Variants in IMMP2L observed in about 807,000 individuals in gnomAD.
The protein encoded by IMMP2L is mitochondrial inner membrane protease subunit 2.
A neutral mutation model predicts 19.3 loss-of-function variants in IMMP2L; 18 were observed. That is an observed-to-expected ratio of 0.93 (90% CI 0.64 to 1.38). The LOEUF (loss-of-function observed/expected upper bound fraction) is 1.38, where lower values mean the gene tolerates loss of function less well. Ranked by LOEUF, IMMP2L falls within the 40% of genes most tolerant of loss-of-function variation. The probability of loss-of-function intolerance (pLI) is 0.00; values close to 1 mark genes in which losing one functional copy is unlikely to be tolerated. For missense variants in IMMP2L, 233 were observed against 218.2 expected, an observed-to-expected ratio of 1.07 and a Z score of -0.43; for synonymous variants, 76 against 73.0, an observed-to-expected ratio of 1.04 and a Z score of -0.21.
intron 3 of IMMP2L, among the ~76,000 whole-genome samples, chr7:111,088,354 T>C (rs1186181769): frequency 1.3e-5 from 2 of 152,158 alleles, no homozygotes; most frequent in Non-Finnish European, 2.9e-5. Flanking sequence ...CCTGTAGACA[T>C]TTCCTACAAT....
At chr7:111,512,812 A>ATCAATTT (rs1845569049) in intron 2 of IMMP2L, among the ~76,000 whole-genome samples, 1 of 152,140 alleles carries the variant, frequency 6.6e-6, no homozygotes, top group Non-Finnish European at 1.5e-5. Flanking sequence ...TTTATGAAAA[A>ATCAATTT]TCAATTTTCA....
intron 4 of IMMP2L, among the ~76,000 whole-genome samples, chr7:110,956,883 C>T (rs894228989): frequency 6.6e-6 from 1 of 151,986 alleles, no homozygotes; most frequent in Non-Finnish European, 1.5e-5. Context: ...GGTTGCCTCA[C>T]ATTGACTTGC....
intron 4 of IMMP2L, among the ~76,000 whole-genome samples, chr7:110,919,437 T>A (rs181201261): frequency 2.0e-5 from 3 of 152,212 alleles, no homozygotes; most frequent in Admixed American, 1.3e-4. Context: ...TTATACTGAG[T>A]CTATGCCAAC....
intron 3 of IMMP2L, among the ~76,000 whole-genome samples, chr7:110,987,073 A>T (rs1036957052): frequency 2.0e-5 from 3 of 152,172 alleles, no homozygotes; most frequent in African/African-American, 7.2e-5. Flanking sequence ...GATAGACAGG[A>T]TAAACTTAGA....
At chr7:111,252,539 G>A (rs553532911) in intron 3 of IMMP2L, among the ~76,000 whole-genome samples, 1 of 152,246 alleles carries the variant, frequency 6.6e-6, no homozygotes, top group South Asian at 2.1e-4. Context: ...AAAAGGAAAT[G>A]TGACAAGGAA....
intron 1 of IMMP2L, among the ~76,000 whole-genome samples, chr7:111,539,657 C>G (rs1018820561): frequency 6.0e-5 from 9 of 150,426 alleles, no homozygotes; most frequent in African/African-American, 2.0e-4. Flanking sequence ...TAATGGAATT[C>G]CAACCAAGAT....
chr7:111,521,261 T>C lies in IMMP2L; in HGVS notation c.135+52A>G. 2.6e-6 allele frequency: 4 copies of C among 1,557,578 alleles called. No homozygotes were observed. In the East Asian group the frequency reaches 6.8e-5, roughly 26 times the overall value. ...TAATTAGCACTCTCATTTCTAGTGC[T>C]TGAAAAACAATGAAGTATGTGCTTT... On this transcript the variant is annotated intron_variant, in intron 2 of 5. Transcript: ENST00000405709.
intron 3 of IMMP2L, among the ~76,000 whole-genome samples, chr7:111,204,604 TA>T (rs1356366452): frequency 6.6e-5 from 10 of 152,154 alleles, no homozygotes. Flanking sequence ...TGAATAAAAA[TA>T]AATTTTTAAA....
intron 3 of IMMP2L, among the ~76,000 whole-genome samples, chr7:111,071,500 G>A (rs1275922981): frequency 2.0e-5 from 3 of 152,012 alleles, no homozygotes; most frequent in Non-Finnish European, 4.4e-5. Flanking sequence ...AATATCTGTC[G>A]ATGGATAAAT....
intron 3 of IMMP2L, chr7:111,390,494 T>C (rs1832239818): frequency 6.6e-6 from 1 of 152,148 alleles, no homozygotes; most frequent in Non-Finnish European, 1.5e-5. Context: ...GTCTTGTGAG[T>C]AGGTAACTTT....
chr7:111,125,223 A>G (rs1326174487), intron 3 of IMMP2L: 1 of 233,952 alleles, frequency 4.3e-6, no homozygotes, highest in East Asian at 1.2e-4. Flanking sequence ...AGTAAATAAG[A>G]GTAGTTGAAC....
chr7:111,011,632 G>T (rs1158863851), intron 3 of IMMP2L, among the ~76,000 whole-genome samples: 3 of 152,142 alleles, frequency 2.0e-5, no homozygotes, highest in African/African-American at 7.2e-5. Flanking sequence ...GTGAGAGTTT[G>T]CAGCTTTGCT....
At chr7:111,241,023 T>C (rs1262935804) in intron 3 of IMMP2L, among the ~76,000 whole-genome samples, 2 of 151,910 alleles carry the variant, frequency 1.3e-5, no homozygotes, top group Non-Finnish European at 2.9e-5. Context: ...ATGTAAATGC[T>C]ACACTGTCAT....
At chr7:111,436,706 T>A (rs920445749) in intron 3 of IMMP2L, among the ~76,000 whole-genome samples, 1 of 151,950 alleles carries the variant, frequency 6.6e-6, no homozygotes, top group Non-Finnish European at 1.5e-5. Context: ...AAAACTGCAC[T>A]GTGTTAATCT....
intron 3 of IMMP2L, among the ~76,000 whole-genome samples, chr7:111,003,170 G>A (rs10280198): frequency 0.035 from 5,329 of 152,154 alleles, 284 homozygotes; most frequent in African/African-American, 0.12. Flanking sequence ...ACTTGGTTGT[G>A]TTCTGGCTCT....
rs1400564697 is a variant in IMMP2L, at chr7:110,758,955, A to G, written c.409-95234T>C. Among the ~76,000 whole-genome samples the G allele has an allele frequency of 6.6e-6, 1 of 151,818 alleles. No individual in the cohort carries two copies. Among genetic ancestry groups the G allele is most frequent in the Non-Finnish European group, 1.5e-5 (1 of 67,894 alleles). ...AGAAATGACCAGTGGAGATCTTTTC[A>G]CAGTCTGTTACCCGATTTTGTTAAC... On this transcript the variant is annotated intron_variant, in intron 5 of 5. Transcript: ENST00000405709. This position sits in a 1 kb window ranked among gnomAD's most constrained non-coding sequence, Gnocchi z 4.6.
chr7:110,838,282 C>G (rs2131426289), intron 5 of IMMP2L, among the ~76,000 whole-genome samples: 1 of 152,178 alleles, frequency 6.6e-6, no homozygotes, highest in South Asian at 2.1e-4. Flanking sequence ...GCTTTATGAA[C>G]ATAAATAGAA....
In IMMP2L at chr7:111,427,240, G is replaced by C. The variant is rs554800628; in HGVS notation, c.239+59998C>G. 2.8e-4 allele frequency among the ~76,000 whole-genome samples: 43 copies of C among 151,780 alleles called. 1 individual carries two copies. The South Asian group carries it at 8.3e-3, about 29-fold the overall frequency. On this transcript the variant is annotated intron_variant, in intron 3 of 5. Coordinates refer to ENST00000405709, the MANE Select transcript of IMMP2L (RefSeq NM_032549.4). Reference sequence around the variant, plus strand: ...AATTCCCAGCGACTGAGTTGGGCCAGAAGTTCAGACTCAAGATACTTTGTA... The same window carrying C: ...AATTCCCAGCGACTGAGTTGGGCCACAAGTTCAGACTCAAGATACTTTGTA...
At chr7:111,164,623 AG>A (rs1805629982) in intron 3 of IMMP2L, among the ~76,000 whole-genome samples, 1 of 152,114 alleles carries the variant, frequency 6.6e-6, no homozygotes, top group Non-Finnish European at 1.5e-5. Context: ...AATAACGCTG[AG>A]GCCCAGAAAA....
Sources: allele counts gnomAD v4.1 joint callset (sites outside exome capture counted in the v4.1 genomes callset), GRCh38; gene constraint gnomAD v4.1.1; non-coding constraint Gnocchi (gnomAD v3.1); transcripts MANE v1.5; gene names NCBI Gene and HGNC (gene_info 2026-07-23, HGNC 2026-07-21).